Variants in CD300LD observed in about 807,000 individuals in gnomAD.
CD300LD encodes the protein CMRF35-like molecule 5.
CD300LD carries 18 observed loss-of-function variants against 20.3 expected under a neutral mutation model. The ratio of observed to expected loss-of-function variants is 0.89; its 90% CI spans 0.61 to 1.32. The LOEUF (loss-of-function observed/expected upper bound fraction) is 1.32. Ranked by LOEUF, CD300LD falls within the 40% of genes most tolerant of loss-of-function variation. The pLI is 0.00. For missense variants in CD300LD, 195 were observed against 226.6 expected, an observed-to-expected ratio of 0.86 and a Z score of 0.90; for synonymous variants, 104 against 90.1, an observed-to-expected ratio of 1.15 and a Z score of -0.87.
chr17:74,587,773 C>T (rs938519693), intron 2 of CD300LD, among the ~76,000 whole-genome samples: 2 of 151,976 alleles, frequency 1.3e-5, no homozygotes, highest in East Asian at 1.9e-4. Context: ...GAAGGGGGTC[C>T]CTTTGGCCTG....
downstream of CD300LD, among the ~76,000 whole-genome samples, chr17:74,578,911 C>G (rs2029973877): frequency 6.6e-6 from 1 of 152,192 alleles, no homozygotes; most frequent in South Asian, 2.1e-4. Flanking sequence ...ATCCCCAGCT[C>G]ACAGTTCTAG....
intron 2 of CD300LD, among the ~76,000 whole-genome samples, chr17:74,586,367 C>A (rs1220261356): frequency 6.6e-6 from 1 of 152,094 alleles, no homozygotes; most frequent in Non-Finnish European, 1.5e-5. Flanking sequence ...AAAAAGAATA[C>A]CGTCAGACCT....
intron 3 of CD300LD, 24 bp from the exon 4 acceptor site, chr17:74,580,137 AT>A: frequency 6.7e-7 from 1 of 1,499,202 alleles, no homozygotes; most frequent in Non-Finnish European, 9.2e-7. Context: ...GTGACAGGAA[AT>A]GAGCTGCCTC....
chr17:74,580,374 A>G (rs2030006964), intron 3 of CD300LD, among the ~76,000 whole-genome samples: 1 of 152,116 alleles, frequency 6.6e-6, no homozygotes, highest in Admixed American at 6.5e-5. Context: ...CTGGTCTCCC[A>G]TAACTCCTCC....
chr17:74,589,392 T>C (rs911670172), intron 1 of CD300LD, among the ~76,000 whole-genome samples: 2 of 152,236 alleles, frequency 1.3e-5, no homozygotes, highest in African/African-American at 4.8e-5. Context: ...CATTTCGCCA[T>C]ACAGTGTTAT....
Position 74,588,658 on chromosome 17 carries a change from G to T in CD300LD, c.232C>A (p.Arg78=), listed in dbSNP as rs747063220. Residue 78 remains arginine (R), a synonymous_variant, in exon 2 of 4, where the codon CGA becomes AGA. Transcript: ENST00000375352. The stretch of plus-strand genomic sequence containing the variant: ...TTCTGATTGTCCCTGATGGAAACTC[G>T]ATTCTTCTTTACCTCCTGCTCTGAT... ...NGSEQEVKKN[R]VSIRDNQKNH... 6.2e-7 allele frequency: 1 copy of T among 1,614,160 alleles called. No individual in the cohort carries two copies. Among genetic ancestry groups the T allele is most frequent in the African/African-American group, 1.3e-5 (1 of 75,052 alleles).
chr17:74,588,914 T>C (rs375197635), intron 1 of CD300LD, 65 bp from the exon 2 acceptor site: 11 of 1,192,060 alleles, frequency 9.2e-6, no homozygotes, highest in Admixed American at 2.0e-5. Flanking sequence ...GCCTCGTGCA[T>C]TGGGAGTAGC....
At chr17:74,586,218 G>T (rs1278084251) in intron 2 of CD300LD, among the ~76,000 whole-genome samples, 1 of 152,214 alleles carries the variant, frequency 6.6e-6, no homozygotes, top group East Asian at 1.9e-4. Flanking sequence ...AGCTTGTCAA[G>T]ATGTGGGAAC....
At chr17:74,582,382 T>C in intron 2 of CD300LD, 71 bp from the exon 3 acceptor site, 1 of 1,288,438 alleles carries the variant, frequency 7.8e-7, no homozygotes, top group Non-Finnish European at 1.1e-6. Flanking sequence ...GCCCTAAGGC[T>C]TCTCCACCTA....
intron 1 of CD300LD, among the ~76,000 whole-genome samples, chr17:74,591,268 A>AAATCATAAT: frequency 7.0e-6 from 1 of 142,390 alleles, no homozygotes; most frequent in African/African-American, 2.6e-5. Context: ...AAAAAAATAA[A>AAATCATAAT]AATAATAATA....
At chr17:74,589,300 CT>C (rs35927928) in intron 1 of CD300LD, among the ~76,000 whole-genome samples, 52,917 of 152,030 alleles carry the variant, frequency 0.35, 10,769 homozygotes, top group Non-Finnish European at 0.46. Flanking sequence ...GTTAATCACC[CT>C]GAATGAATCC....
intron 3 of CD300LD, 90 bp downstream of exon 3, chr17:74,582,128 G>C: frequency 1.1e-6 from 1 of 934,856 alleles, no homozygotes; most frequent in South Asian, 1.6e-5. Flanking sequence ...GTGTAACTGG[G>C]CATGCTATTG....
intron 2 of CD300LD, among the ~76,000 whole-genome samples, chr17:74,582,756 C>T (rs927921325): frequency 5.3e-5 from 8 of 152,038 alleles, no homozygotes; most frequent in Admixed American, 5.2e-4. Flanking sequence ...CACCTCCGCT[C>T]TTCCCTCTCT....
intron 2 of CD300LD, chr17:74,585,002 G>C (rs2030123933): frequency 6.6e-6 from 1 of 152,182 alleles, no homozygotes; most frequent in Non-Finnish European, 1.5e-5. Flanking sequence ...CAGTGCCCTA[G>C]AGAGGTACTG....
chr17:74,584,237 G>A (rs1194165701), intron 2 of CD300LD, among the ~76,000 whole-genome samples: 4 of 152,144 alleles, frequency 2.6e-5, no homozygotes, highest in African/African-American at 7.2e-5. Context: ...TACATTTCAT[G>A]TCTGAAGAAA....
intron 1 of CD300LD, among the ~76,000 whole-genome samples, chr17:74,591,271 T>TAAA (rs1224210285): frequency 7.6e-5 from 11 of 145,334 alleles, no homozygotes; most frequent in South Asian, 2.2e-4. Context: ...AAAATAAAAA[T>TAAA]AATAATAATA....
rs1410911757 is a variant in CD300LD at position 74,588,766 on chromosome 17, C to T, written c.124G>A (p.Gly42Ser). 1 of 1,614,180 alleles carries T rather than the reference C, an allele frequency of 6.2e-7. No homozygotes were observed. Among genetic ancestry groups the T allele is most frequent in the Admixed American group, 1.7e-5 (1 of 60,022 alleles). Reference protein sequence around the residue: ...QGSLTVQCAYGSGWETYLKWR... With the variant: ...QGSLTVQCAYSSGWETYLKWR... ...TTCAAGTAGGTCTCCCAGCCTGAGC[C>T]ATAAGCACACTGCACAGTCAATGAG... The change falls in exon 2 of 4, where the codon GGC becomes AGC. Residue 42 changes from glycine to serine, a missense_variant. By Grantham distance (56) the Gly-to-Ser change is moderately conservative. Coordinates refer to ENST00000375352, the MANE Select transcript of CD300LD (RefSeq NM_001115152.2).
chr17:74,579,077 G>C (rs569880498), downstream of CD300LD, among the ~76,000 whole-genome samples: 1 of 152,214 alleles, frequency 6.6e-6, no homozygotes, highest in Non-Finnish European at 1.5e-5. Context: ...TTACAGTGAC[G>C]AAAGGAGGCT....
chr17:74,584,940 A>T (rs1194886185), intron 2 of CD300LD: 1 of 152,180 alleles, frequency 6.6e-6, no homozygotes, highest in Non-Finnish European at 1.5e-5. Context: ...AGGTACTGGG[A>T]GCGGCAGCAG....
Sources: allele counts gnomAD v4.1 joint callset (sites outside exome capture counted in the v4.1 genomes callset), GRCh38; gene constraint gnomAD v4.1.1; transcripts MANE v1.5; gene names NCBI Gene and HGNC (gene_info 2026-07-23, HGNC 2026-07-21).